The following TBXAS1 variants were observed in gnomAD, a reference collection of about 807,000 sequenced individuals.
TBXAS1 encodes the protein thromboxane A synthase 1.
In TBXAS1, 48 loss-of-function variants were observed where a neutral mutation model predicts 60.7. That is an observed-to-expected ratio of 0.79 (90% CI 0.63 to 1.01). TBXAS1 has a LOEUF of 1.01. Ranked by LOEUF, TBXAS1 falls within the 50% of genes least tolerant of loss-of-function variation. The pLI, the probability that TBXAS1 is intolerant of heterozygous loss-of-function variation, is 0.00. For missense variants in TBXAS1, 685 were observed against 686.3 expected (o/e 1.00, Z 0.02); for synonymous variants, 287 against 269.7 (o/e 1.06, Z -0.63).
chr7:139,861,002 C>T lies in TBXAS1; in HGVS notation c.90-11233C>T, dbSNP rs1205461089. ...CAGCCTGGTTAATATGGTGAAACCC[C>T]GTCTCTACTAAAAACACAAAAAATA... On this transcript the variant is annotated intron_variant, in intron 1 of 12. Coordinates refer to ENST00000448866, the MANE Select transcript of TBXAS1 (RefSeq NM_001061.7). 5.9e-5 allele frequency among the ~76,000 whole-genome samples: 9 copies of T among 151,892 alleles called. No homozygotes were observed. In the South Asian group the frequency reaches 1.2e-3, roughly 21 times the overall value.
chr7:139,782,356 C>T (rs1797030293), intron 2 of TBXAS1: 1 of 152,172 alleles, frequency 6.6e-6, no homozygotes, highest in East Asian at 1.9e-4. Context: ...TGCCTTTCTA[C>T]AAAATGGTGC....
At chr7:140,019,434 G>A (rs777470437) in intron 12 of TBXAS1, among the ~76,000 whole-genome samples, 2 of 152,100 alleles carry the variant, frequency 1.3e-5, no homozygotes, top group African/African-American at 2.4e-5. Context: ...GGCACTCCCC[G>A]GCTTAAGAAC....
chr7:140,018,488 A>G (rs1344346671), intron 12 of TBXAS1, among the ~76,000 whole-genome samples: 2 of 152,126 alleles, frequency 1.3e-5, no homozygotes, highest in Non-Finnish European at 2.9e-5. Context: ...ACTGGTGCAC[A>G]GACCCTGTCC....
chr7:139,905,444 C>T (rs1805002220), intron 3 of TBXAS1, among the ~76,000 whole-genome samples: 1 of 152,128 alleles, frequency 6.6e-6, no homozygotes, highest in African/African-American at 2.4e-5. Context: ...ATTAAACCAT[C>T]CCTGCATCCC....
chr7:139,875,741 G>A (rs1194073712), intron 3 of TBXAS1, 104 bp downstream of exon 3: 1 of 1,405,596 alleles, frequency 7.1e-7, no homozygotes, highest in Non-Finnish European at 1.0e-6. Flanking sequence ...GCCAAGATTA[G>A]GAATGTTGTA....
At position 139,888,474 on chromosome 7, in the gene TBXAS1, T is replaced by C. The variant is rs912183149; in HGVS notation, c.236+12837T>C. Among the ~76,000 whole-genome samples, 71 of 152,198 alleles carry C rather than the reference T, an allele frequency of 4.7e-4. 4 individuals are homozygous for C. On this transcript the variant is annotated intron_variant, in intron 3 of 12. Coordinates refer to ENST00000448866, the MANE Select transcript of TBXAS1 (RefSeq NM_001061.7). ...ATTTGTCAAAATCCTGTTCTTGCAA[T>C]TGGTGGCTTCTCAATTTTTTTCCTC...
intron 9 of TBXAS1, among the ~76,000 whole-genome samples, chr7:139,983,714 GCCGCCCACT>G (rs1170847167): frequency 6.6e-6 from 1 of 152,150 alleles, no homozygotes; most frequent in African/African-American, 2.4e-5. Context: ...CTCTCCAGGA[GCCGCCCACT>G]CCGCACACAT....
intron 1 of TBXAS1, among the ~76,000 whole-genome samples, chr7:139,868,962 T>G (rs1349719923): frequency 6.6e-6 from 1 of 151,824 alleles, no homozygotes; most frequent in Non-Finnish European, 1.5e-5. Flanking sequence ...CTCACCCGGC[T>G]AATTTTTTTA....
At chr7:139,864,011 A>C (rs1188019742) in intron 1 of TBXAS1, among the ~76,000 whole-genome samples, 3 of 152,204 alleles carry the variant, frequency 2.0e-5, no homozygotes, top group Non-Finnish European at 2.9e-5. Context: ...CTGCAGAATC[A>C]AGAACAAGAA....
At chr7:139,991,000 T>C (rs1471084276) in intron 9 of TBXAS1, among the ~76,000 whole-genome samples, 1 of 151,984 alleles carries the variant, frequency 6.6e-6, no homozygotes, top group Non-Finnish European at 1.5e-5. Context: ...AACAAATGAT[T>C]CCTTAAGATC....
At chr7:139,855,735 C>G (rs1465748772) in intron 1 of TBXAS1, among the ~76,000 whole-genome samples, 2 of 152,184 alleles carry the variant, frequency 1.3e-5, no homozygotes, top group African/African-American at 2.4e-5. Flanking sequence ...CTGGGACTAA[C>G]TTCCTCTGAC....
At chr7:139,950,665 C>T (rs1214135226) in intron 5 of TBXAS1, among the ~76,000 whole-genome samples, 1 of 127,134 alleles carries the variant, frequency 7.9e-6, no homozygotes, top group Non-Finnish European at 1.7e-5. Context: ...GACTCCCTCA[C>T]CCTCCATCTA....
chr7:139,839,825 G>A (rs530970953), intron 1 of TBXAS1, among the ~76,000 whole-genome samples: 2 of 151,452 alleles, frequency 1.3e-5, no homozygotes, highest in South Asian at 2.1e-4. Context: ...CACTACACTC[G>A]CACTCCAGCC....
chr7:140,003,685 C>T (rs1303721893), intron 9 of TBXAS1, among the ~76,000 whole-genome samples: 1 of 152,260 alleles, frequency 6.6e-6, no homozygotes, highest in African/African-American at 2.4e-5. Context: ...GGGGAACCAA[C>T]ACCATTTACC....
intron 2 of TBXAS1, among the ~76,000 whole-genome samples, chr7:139,872,809 T>A (rs1335096543): frequency 3.9e-5 from 6 of 152,222 alleles, no homozygotes; most frequent in Admixed American, 1.3e-4. Flanking sequence ...TATGAATTGT[T>A]ATGTGATGGC....
In TBXAS1 at chr7:140,001,633, C is replaced by A. The variant is rs537263833; in HGVS notation, c.1135-5458C>A. 2.6e-5 allele frequency among the ~76,000 whole-genome samples: 4 copies of A among 152,280 alleles called. No homozygotes were observed. In the South Asian group the frequency reaches 8.3e-4, roughly 32 times the overall value. On this transcript the variant is annotated intron_variant, in intron 9 of 12. Coordinates refer to ENST00000448866, the MANE Select transcript of TBXAS1 (RefSeq NM_001061.7). ...CTCGAACTCCTGGCCTCAAGTGACA[C>A]CCCCTGCCTTGGCCTCCCAAAGTGC...
chr7:139,821,056 G>T (rs1384123593), intron 4 of TBXAS1, among the ~76,000 whole-genome samples: 5 of 152,182 alleles, frequency 3.3e-5, no homozygotes, highest in Non-Finnish European at 5.9e-5. Flanking sequence ...TGGATAAAAG[G>T]AGTAGTGACC....
intron 4 of TBXAS1, among the ~76,000 whole-genome samples, chr7:139,928,359 G>C (rs1472204499): frequency 6.6e-6 from 1 of 152,166 alleles, no homozygotes; most frequent in African/African-American, 2.4e-5. Context: ...TTATCACTGA[G>C]CTATATTACC....
intron 9 of TBXAS1, among the ~76,000 whole-genome samples, chr7:139,969,926 A>C (rs940518391): frequency 1.3e-5 from 2 of 152,218 alleles, no homozygotes; most frequent in Non-Finnish European, 2.9e-5. Flanking sequence ...CTAATGTTGA[A>C]TCTAAAACAA....
Sources: gnomAD v4.1 joint callset for allele counts (sites outside exome capture counted in the v4.1 genomes callset) on GRCh38, gnomAD v4.1.1 for gene constraint, MANE v1.5 for transcripts, NCBI Gene and HGNC (gene_info 2026-07-23, HGNC 2026-07-21) for gene names.